Variants in ITIH4 observed in about 807,000 individuals in gnomAD.
The protein encoded by ITIH4 is inter-alpha-trypsin inhibitor heavy chain H4.
A neutral mutation model predicts 111.8 loss-of-function variants in ITIH4; 79 were observed. The observed-to-expected ratio is 0.71, with a 90% CI of 0.59 to 0.85. The LOEUF is 0.85. Among genes scored for constraint, ITIH4 ranks in the 40% least tolerant of loss-of-function variants. ITIH4 has a pLI of 0.00. For missense variants in ITIH4, 1,065 were observed against 1,195.8 expected (o/e 0.89, Z 1.61); for synonymous variants, 472 against 468.3 (o/e 1.01, Z -0.10).
Position 52,813,215 on chromosome 3 carries a change from G to A in ITIH4, c.*206C>T, listed in dbSNP as rs921262415. 4.0e-5 allele frequency: 23 copies of A among 571,810 alleles called. No homozygotes were observed. Among genetic ancestry groups the A allele is most frequent in the Admixed American group, 3.8e-4 (12 of 31,918 alleles). The allele number at this position is 571,810 out of a possible 1,614,324, so 35.4% of individuals were successfully genotyped here. A position where few individuals can be genotyped will look rare whatever the true frequency, so the allele number is the denominator to read the frequency against. On this transcript the variant is annotated 3_prime_UTR_variant, in exon 24 of 24. Transcript: ENST00000266041. ...GACAGTGGAAGCTTCTGTGTTCCAC[G>A]ATGCTAAGGTTCAGGATGCGAGGTT...
At position 52,823,613 on chromosome 3, in the gene ITIH4, A is replaced by G. The variant is rs1301680489; in HGVS notation, c.1482T>C (p.Ala494=). Residue 494 remains alanine, a synonymous_variant, in exon 11 of 24, where the codon GCT becomes GCC. Coordinates refer to ENST00000266041, the MANE Select transcript of ITIH4 (RefSeq NM_002218.5). ...LLFKGSEMVV[A]GKLQDRGPDV... ...CAGGCCCCCGGTCCTGGAGCTTCCC[A>G]GCCACCACCATCTCTGAGCCCTTGA... is the stretch of plus-strand genomic sequence containing the variant. 10 of 1,614,044 alleles carry G rather than the reference A, an allele frequency of 6.2e-6. No homozygotes were observed. Among genetic ancestry groups the G allele is most frequent in the Non-Finnish European group, 8.5e-6 (10 of 1,180,000 alleles).
chr3:52,825,987 A>C lies in ITIH4; in HGVS notation c.658T>G (p.Ser220Ala). The change falls in exon 6 of 24, where the codon TCC (serine) becomes GCC (alanine). Residue 220 changes from serine to alanine, a missense_variant. Ser to Ala is a moderately conservative substitution (Grantham distance 99). Transcript: ENST00000266041. ...KAHIRFKPTL[S>A]QQQKSPEQQE... is the part of the protein sequence containing the mutation. ...TGCTCTGGGGACTTTTGCTGCTGGGAAAGTGTTGGCTTGAACCGGATGTGA... is the reference window on the plus strand; with the variant it reads ...TGCTCTGGGGACTTTTGCTGCTGGGCAAGTGTTGGCTTGAACCGGATGTGA... The C allele has an allele frequency of 2.5e-6, 4 of 1,614,080 alleles. No individual in the cohort carries two copies. Among genetic ancestry groups the C allele is most frequent in the Non-Finnish European group, 3.4e-6 (4 of 1,179,990 alleles).
Position 52,826,140 on chromosome 3 carries a change from C to A in ITIH4, c.631-126G>T, listed in dbSNP as rs2154111619. ...GCAGCCTTGGGTCCGTATTCCAGGG[C>A]ACTTTCTTTCAGGCTGAGTTATTGA... On this transcript the variant is annotated intron_variant, in intron 5 of 23. Coordinates refer to ENST00000266041, the MANE Select transcript of ITIH4 (RefSeq NM_002218.5). 2.3e-6 allele frequency: 3 copies of A among 1,327,366 alleles called. No homozygotes were observed. The East Asian group carries it at 7.5e-5, about 33-fold the overall frequency. 82.2% of individuals were successfully genotyped at this position (1,327,366 alleles called of 1,614,324 possible). A position where few individuals can be genotyped will look rare whatever the true frequency, so the allele number is the denominator to read the frequency against.
At chr3:52,817,181 A>G in intron 20 of ITIH4, 123 bp from the exon 21 acceptor site, 1 of 739,598 alleles carries the variant, frequency 1.4e-6, no homozygotes, top group Non-Finnish European at 2.2e-6. Flanking sequence ...CCTCATCAGG[A>G]GGGGTGCCCC....
In ITIH4 at chr3:52,827,299, C is replaced by T. The variant is rs1578782248; in HGVS notation, c.252-102G>A. 1.0e-5 allele frequency: 9 copies of T among 893,586 alleles called. No individual in the cohort carries two copies. The East Asian group carries it at 1.7e-4, about 17-fold the overall frequency. The allele number at this position is 893,586 out of a possible 1,614,324, so 55.4% of individuals were successfully genotyped here. On this transcript the variant is annotated intron_variant, in intron 2 of 23. Transcript: ENST00000266041. ...TTTCTGGACTCGGTGTGCCTCTTGA[C>T]ACAGTGACTCCCATCTTTGCCTGAG...
chr3:52,813,832 C>A, intron 23 of ITIH4, 143 bp downstream of exon 23: 1 of 693,462 alleles, frequency 1.4e-6, no homozygotes, highest in Non-Finnish European at 2.5e-6. Flanking sequence ...CTGGCTTAGA[C>A]ACTTCTACAG....
chr3:52,827,154 C>A lies in ITIH4; in HGVS notation c.295G>T (p.Ala99Ser). 1 of 1,614,160 alleles carries A rather than the reference C, an allele frequency of 6.2e-7. No individual in the cohort carries two copies. Among genetic ancestry groups the A allele is most frequent in the South Asian group, 1.1e-5 (1 of 91,086 alleles). The change falls in exon 3 of 24, where the codon GCT becomes TCT. Residue 99 changes from alanine (A) to serine (S), a missense_variant. Transcript: ENST00000266041. ...MTYPGIIKEK[A>S]EAQAQYSAAV... Reference sequence around the variant, plus strand: ...GCGCTGTACTGTGCCTGGGCTTCAGCCTTCTCCTTGATGATCCCTGGGTAG... The same window carrying A: ...GCGCTGTACTGTGCCTGGGCTTCAGACTTCTCCTTGATGATCCCTGGGTAG...
rs770888130 is a variant in ITIH4, at chr3:52,827,115, C to T, written c.334G>A (p.Gly112Arg). ...CACTTGACGAGGCCAGCGCTCTTTCCCTTGGCCACTGCTGCGCTGTACTGT... is the reference window on the plus strand; with the variant it reads ...CACTTGACGAGGCCAGCGCTCTTTCTCTTGGCCACTGCTGCGCTGTACTGT... ...QAQYSAAVAK[G>R]KSAGLVKATG... Residue 112 changes from glycine to arginine, a missense_variant, in exon 3 of 24, where the codon GGA becomes AGA. Coordinates refer to ENST00000266041, the MANE Select transcript of ITIH4 (RefSeq NM_002218.5). 1.9e-6 allele frequency: 3 copies of T among 1,614,036 alleles called. No individual in the cohort carries two copies. The highest frequency in any genetic ancestry group is 2.7e-5 in the African/African-American group (2 of 74,928).
chr3:52,828,932 C>A (rs571403607), intron 2 of ITIH4, among the ~76,000 whole-genome samples, 187 bp downstream of exon 2: 1 of 152,122 alleles, frequency 6.6e-6, no homozygotes, highest in African/African-American at 2.4e-5. Flanking sequence ...GAGGGAAGGA[C>A]GGGGGCATCT....
chr3:52,817,049 A>G lies in ITIH4; in HGVS notation c.2306T>C (p.Val769Ala), dbSNP rs1231328678. The G allele has an allele frequency of 6.2e-7, 1 of 1,613,102 alleles. No individual in the cohort carries two copies. Among genetic ancestry groups the G allele is most frequent in the Non-Finnish European group, 8.5e-7 (1 of 1,179,666 alleles). The change falls in exon 21 of 24, where the codon GTG becomes GCG. Residue 769 changes from valine (V) to alanine (A), a missense_variant. Transcript: ENST00000266041. ...CTTCTCCCTCTCATACTGGCCAGTC[A>G]CCTCAACCCCTGGGAGGACCAGACC... Reference protein sequence around the residue: ...LLSDPEQGVEVTGQYEREKAG... With the variant: ...LLSDPEQGVEATGQYEREKAG...
intron 20 of ITIH4, among the ~76,000 whole-genome samples, chr3:52,817,694 T>A (rs1700304918): frequency 1.3e-5 from 2 of 152,206 alleles, no homozygotes; most frequent in South Asian, 4.1e-4. Context: ...TCCTCCATCA[T>A]CTGGAACATC....
chr3:52,814,135 G>C (rs1700235376), intron 22 of ITIH4, 64 bp from the exon 23 acceptor site: 7 of 1,603,164 alleles, frequency 4.4e-6, no homozygotes, highest in Admixed American at 1.7e-5. Flanking sequence ...ACACACGCAG[G>C]GGAGGGGCGC....
chr3:52,829,213 C>G lies in ITIH4; in HGVS notation c.157G>C (p.Val53Leu), dbSNP rs572371573. Residue 53 changes from valine to leucine, a missense_variant, in exon 2 of 24, where the codon GTC becomes CTC. Transcript: ENST00000266041. ...RVSSRFAHTVVTSRVVNRANT... is the reference protein window; with the variant it reads ...RVSSRFAHTVLTSRVVNRANT... ...GCCCTATTGACCACTCGGCTGGTGACGACCGTGTGGGCAAATCGGGATGAG... is the reference window on the plus strand; with the variant it reads ...GCCCTATTGACCACTCGGCTGGTGAGGACCGTGTGGGCAAATCGGGATGAG... 1.1e-5 allele frequency: 18 copies of G among 1,613,614 alleles called. No homozygotes were observed. The highest frequency in any genetic ancestry group is 1.5e-5 in the Non-Finnish European group (18 of 1,179,722).
At chr3:52,825,489 T>C (rs761862154) in intron 6 of ITIH4, among the ~76,000 whole-genome samples, 3 of 151,286 alleles carry the variant, frequency 2.0e-5, no homozygotes, top group Non-Finnish European at 4.4e-5. Context: ...TCCCAGCTAC[T>C]AGGGAGGCCG....
At chr3:52,820,038 T>G in intron 14 of ITIH4, 48 bp from the exon 15 acceptor site, 4 of 1,580,484 alleles carry the variant, frequency 2.5e-6, no homozygotes, top group Non-Finnish European at 3.5e-6. Context: ...CACCTTCCTG[T>G]GGCCCCACTT....
At position 52,823,875 on chromosome 3, in the gene ITIH4, C is replaced by T. The variant is rs1700436462; in HGVS notation, c.1301G>A (p.Gly434Asp). 1 of 1,613,856 alleles carries T rather than the reference C, an allele frequency of 6.2e-7. No individual in the cohort carries two copies. The highest frequency in any genetic ancestry group is 1.7e-5 in the Admixed American group (1 of 60,016). Residue 434 changes from glycine to aspartate, a missense_variant, in exon 10 of 24, where the codon GGC becomes GAC. Transcript: ENST00000266041. ...AFLEKLALDN[G>D]GLARRIHEDS... is the part of the protein sequence containing the mutation. ...CTCATGGATGCGCCGGGCCAGGCCG[C>T]CATTGTCCAGTGCCAGCTTCTCCAG...
chr3:52,821,027 C>T lies in ITIH4; in HGVS notation c.1643G>A (p.Trp548Ter). ...CAGCTGCTGGATAGTCAGGTATGCC[C>T]AGAGCCTCTCCATGAAGTTGTGGAA... ...YIFHNFMERLWAYLTIQQLLE... is the reference protein window; with the variant it reads ...YIFHNFMERL Residue 548 changes from tryptophan to a stop codon, truncating the protein, a stop_gained, in exon 12 of 24, where the codon TGG (tryptophan) becomes TAG (stop). Coordinates refer to ENST00000266041, the MANE Select transcript of ITIH4 (RefSeq NM_002218.5). LOFTEE classifies it high-confidence loss of function. 1 of 1,614,120 alleles carries T rather than the reference C, an allele frequency of 6.2e-7. No individual in the cohort carries two copies. The highest frequency in any genetic ancestry group is 2.2e-5 in the East Asian group (1 of 44,876).
At chr3:52,816,855 C>T (rs1378728903) in intron 21 of ITIH4, 29 bp downstream of exon 21, 2 of 1,605,498 alleles carry the variant, frequency 1.2e-6, no homozygotes, top group African/African-American at 2.7e-5. Context: ...AAGGTCAACC[C>T]CTGCCCCGGG....
Position 52,813,505 on chromosome 3 carries a change from C to G in ITIH4, c.2724-15G>C. 4 of 1,612,658 alleles carry G rather than the reference C, an allele frequency of 2.5e-6. No homozygotes were observed. The highest frequency in any genetic ancestry group is 3.4e-6 in the Non-Finnish European group (4 of 1,178,688). The stretch of plus-strand genomic sequence containing the variant: ...GCCTGCGCTCTCTGAAATGGAAAGA[C>G]AGACAGATAGGCAGGTGGTCAGCAA... On this transcript the variant is annotated splice_polypyrimidine_tract_variant and intron_variant, in intron 23 of 23. Transcript: ENST00000266041.
Sources: gnomAD v4.1 joint callset for allele counts (sites outside exome capture counted in the v4.1 genomes callset) on GRCh38, gnomAD v4.1.1 for gene constraint, MANE v1.5 for transcripts, NCBI Gene and HGNC (gene_info 2026-07-23, HGNC 2026-07-21) for gene names.